Variants in ENOX2 observed in about 807,000 individuals in gnomAD.
The protein encoded by ENOX2 is ecto-NOX disulfide-thiol exchanger 2, also known as APK1 antigen.
A neutral mutation model predicts 45.0 loss-of-function variants in ENOX2; 36 were observed. The observed-to-expected ratio is 0.80, with a 90% CI of 0.61 to 1.06. The LOEUF (loss-of-function observed/expected upper bound fraction) is 1.06. ENOX2 is among the 50% of genes least tolerant of loss of function. The probability of loss-of-function intolerance (pLI) is 0.00; values close to 1 mark genes in which losing one functional copy is unlikely to be tolerated. For synonymous variants in ENOX2, 174 were observed against 152.3 expected (o/e 1.14, Z -1.05); for missense variants, 423 against 462.5 (o/e 0.91, Z 0.78).
At chrX:130,861,369 G>A (rs1411098192) in intron 2 of ENOX2, among the ~76,000 whole-genome samples, 1 of 110,930 alleles carries the variant, frequency 9.0e-6, no homozygotes, top group Non-Finnish European at 1.9e-5. Flanking sequence ...ATAGATGAAT[G>A]GGTAAAGAAA....
intron 2 of ENOX2, among the ~76,000 whole-genome samples, chrX:130,792,784 G>A (rs1169168313): frequency 9.0e-6 from 1 of 111,368 alleles, no homozygotes; most frequent in Non-Finnish European, 1.9e-5. Flanking sequence ...ACAGAGCAAG[G>A]CTCCATCTAA....
intron 12 of ENOX2, among the ~76,000 whole-genome samples, chrX:130,633,014 T>C (rs2035822570): frequency 8.9e-6 from 1 of 112,401 alleles, no homozygotes; most frequent in South Asian, 3.7e-4. Flanking sequence ...TGGGAAGTTT[T>C]AGCCATCTTG....
intron 10 of ENOX2, among the ~76,000 whole-genome samples, chrX:130,651,051 T>G (rs910050698): frequency 1.8e-5 from 2 of 111,999 alleles, no homozygotes; most frequent in Non-Finnish European, 3.8e-5. Flanking sequence ...TAAGAAAGTT[T>G]GAGCTGAGGT....
chrX:130,700,687 T>A, intron 4 of ENOX2, among the ~76,000 whole-genome samples: 1 of 111,857 alleles, frequency 8.9e-6, no homozygotes, highest in Admixed American at 9.5e-5. Flanking sequence ...ATGATGACAG[T>A]TTATCTTTAT....
chrX:130,665,812 G>A, intron 8 of ENOX2, 63 bp from the exon 9 acceptor site: 1 of 669,917 alleles, frequency 1.5e-6, no homozygotes, highest in Non-Finnish European at 2.4e-6. Flanking sequence ...AAAAAGAGAG[G>A]AGAAAAGAAA....
intron 11 of ENOX2, among the ~76,000 whole-genome samples, chrX:130,635,301 T>C (rs758429541): frequency 1.2e-4 from 13 of 112,213 alleles, no homozygotes; most frequent in Non-Finnish European, 1.9e-4. Flanking sequence ...AACTTGTTAA[T>C]ATTTTAGAAA....
intron 2 of ENOX2, among the ~76,000 whole-genome samples, chrX:130,868,558 C>T (rs1256925809): frequency 8.9e-6 from 1 of 112,051 alleles, no homozygotes; most frequent in Non-Finnish European, 1.9e-5. Flanking sequence ...CTACACTATG[C>T]CTGAAACTCT....
chrX:130,875,035 G>T (rs1166334428), intron 2 of ENOX2, among the ~76,000 whole-genome samples: 1 of 111,425 alleles, frequency 9.0e-6, no homozygotes, highest in Admixed American at 9.5e-5. Flanking sequence ...ACTTAATTTT[G>T]GTTGTCTTAT....
intron 2 of ENOX2, among the ~76,000 whole-genome samples, chrX:130,865,460 G>A (rs774914181): frequency 8.9e-6 from 1 of 111,958 alleles, no homozygotes; most frequent in Non-Finnish European, 1.9e-5. Context: ...AGCAAATAGA[G>A]AGAATCAATA....
At chrX:130,650,378 A>C (rs1472576443) in intron 10 of ENOX2, among the ~76,000 whole-genome samples, 3 of 111,826 alleles carry the variant, frequency 2.7e-5, no homozygotes, top group Non-Finnish European at 5.6e-5. Context: ...CAAGTGAAAG[A>C]ATGTGATCAC....
At chrX:130,821,476 G>C (rs1371610765) in intron 2 of ENOX2, among the ~76,000 whole-genome samples, 2 of 80,160 alleles carry the variant, frequency 2.5e-5, no homozygotes, top group African/African-American at 4.7e-5. Flanking sequence ...TCACTCATAG[G>C]TGGGAATTGA....
rs1173754330 is a variant in ENOX2, at chrX:130,783,694, A to G, written c.-182-4T>C. On this transcript the variant is annotated splice_region_variant and splice_polypyrimidine_tract_variant and intron_variant, in intron 2 of 14. Transcript: ENST00000394363. ...TCAAAGGGCAGCTGGTTCAATCCTA[A>G]AGAAGAAAAAGAAAGCCAAAGTCCA... is the stretch of plus-strand genomic sequence containing the variant. The G allele has an allele frequency of 3.4e-6, 1 of 295,716 alleles. No individual in the cohort carries two copies. Among genetic ancestry groups the G allele is most frequent in the Non-Finnish European group, 6.4e-6 (1 of 156,954 alleles). 24.4% of individuals were successfully genotyped at this position (295,716 alleles called of 1,213,427 possible).
chrX:130,839,985 G>C, intron 2 of ENOX2, among the ~76,000 whole-genome samples: 1 of 111,245 alleles, frequency 9.0e-6, no homozygotes, highest in East Asian at 2.8e-4. Flanking sequence ...TCTTGGATAG[G>C]CTCTACTCTT....
intron 2 of ENOX2, among the ~76,000 whole-genome samples, chrX:130,838,560 A>G (rs1434766088): frequency 3.6e-5 from 4 of 111,528 alleles, no homozygotes; most frequent in Non-Finnish European, 1.9e-5. Context: ...TTTTCTAGAC[A>G]CTAAAAGCCC....
rs1482309742 is a variant in ENOX2 at position 130,669,990 on chromosome X, G to A, written c.669C>T (p.Cys223=). ...CTTTTAATTTTTCAGCAACAATGCTGCATTCATGATCTGAATAGTGGACCA... is the reference window on the plus strand; with the variant it reads ...CTTTTAATTTTTCAGCAACAATGCTACATTCATGATCTGAATAGTGGACCA... ...PPVVHYSDHE[C]SIVAEKLKDD... is the part of the protein sequence containing the mutation. Residue 223 remains cysteine, a synonymous_variant, in exon 7 of 15, where the codon TGC becomes TGT. Coordinates refer to ENST00000394363, the MANE Select transcript of ENOX2 (RefSeq NM_006375.4). 1.7e-6 allele frequency: 2 copies of A among 1,205,231 alleles called. No individual in the cohort carries two copies. The highest frequency in any genetic ancestry group is 3.5e-5 in the South Asian group (2 of 56,831).
chrX:130,882,998 C>G (rs540636493), intron 2 of ENOX2, among the ~76,000 whole-genome samples: 1 of 112,614 alleles, frequency 8.9e-6, no homozygotes, highest in South Asian at 3.7e-4. Context: ...ATACTACTGT[C>G]TACCTTATGG....
chrX:130,836,757 T>C (rs2077934416), intron 2 of ENOX2, among the ~76,000 whole-genome samples: 2 of 111,789 alleles, frequency 1.8e-5, no homozygotes, highest in South Asian at 3.7e-4. Context: ...AGTGATGGAA[T>C]TCCTAGAGAG....
intron 2 of ENOX2, among the ~76,000 whole-genome samples, chrX:130,822,209 G>GA (rs1402596709): frequency 3.6e-5 from 4 of 111,632 alleles, no homozygotes; most frequent in Non-Finnish European, 7.5e-5. Context: ...TAAATTCAAG[G>GA]AAAAGTTAAT....
At chrX:130,679,237 T>C (rs951176520) in intron 6 of ENOX2, among the ~76,000 whole-genome samples, 1 of 110,749 alleles carries the variant, frequency 9.0e-6, no homozygotes, top group African/African-American at 3.3e-5. Flanking sequence ...GAATTCGAGT[T>C]CACTTAGTGT....
Sources: allele counts gnomAD v4.1 joint callset (sites outside exome capture counted in the v4.1 genomes callset), GRCh38; gene constraint gnomAD v4.1.1; transcripts MANE v1.5; gene names NCBI Gene and HGNC (gene_info 2026-07-23, HGNC 2026-07-21).